The following ZFYVE26 variants were observed in gnomAD, a reference collection of about 807,000 sequenced individuals.
The protein encoded by ZFYVE26 is zinc finger FYVE-type containing 26.
Under a neutral mutation model 276.5 loss-of-function variants are expected in ZFYVE26, and 181 were observed. The ratio of observed to expected loss-of-function variants is 0.65; its 90% CI spans 0.58 to 0.74. The LOEUF (loss-of-function observed/expected upper bound fraction) is 0.74. ZFYVE26 is among the 30% of genes least tolerant of loss of function. The probability of loss-of-function intolerance (pLI) is 0.00; values close to 1 mark genes in which losing one functional copy is unlikely to be tolerated. For missense variants in ZFYVE26, 2,821 were observed against 3,097.9 expected (o/e 0.91, Z 2.12); for synonymous variants, 1,129 against 1,203.1 (o/e 0.94, Z 1.27).
At chr14:67,756,713 C>T (rs2038788538) in intron 35 of ZFYVE26, among the ~76,000 whole-genome samples, 1 of 152,150 alleles carries the variant, frequency 6.6e-6, no homozygotes, top group South Asian at 2.1e-4. Context: ...TCGGAGGAAC[C>T]TACACTCTTT....
intron 41 of ZFYVE26, among the ~76,000 whole-genome samples, chr14:67,750,089 C>T (rs947361327): frequency 1.3e-5 from 2 of 152,198 alleles, no homozygotes; most frequent in Admixed American, 6.5e-5. Flanking sequence ...TGAGAAAGAA[C>T]TGCAGTCTGG....
chr14:67,783,775 G>C (rs1244007704), intron 20 of ZFYVE26, among the ~76,000 whole-genome samples: 2 of 152,100 alleles, frequency 1.3e-5, no homozygotes, highest in African/African-American at 4.8e-5. Context: ...CAGTTACATA[G>C]TATTCCATTA....
At chr14:67,797,849 G>C (rs973262002) in intron 11 of ZFYVE26, 94 bp from the exon 12 acceptor site, 3 of 1,576,370 alleles carry the variant, frequency 1.9e-6, no homozygotes, top group Non-Finnish European at 1.7e-6. Context: ...TTTGCACTGG[G>C]CTCTGAGACA....
chr14:67,790,483 A>C (rs1211792095), intron 15 of ZFYVE26, 89 bp downstream of exon 15: 9 of 1,401,548 alleles, frequency 6.4e-6, no homozygotes, highest in Non-Finnish European at 8.0e-6. Flanking sequence ...GCTCACCCTC[A>C]TGAGGAGCCT....
chr14:67,731,214 T>C (rs1351604796), intron 13 of ZFYVE26, among the ~76,000 whole-genome samples: 4 of 140,096 alleles, frequency 2.9e-5, no homozygotes, highest in African/African-American at 5.3e-5. Context: ...TTTCTTTTTT[T>C]TTTTTTTTTT....
chr14:67,761,668 T>A, intron 34 of ZFYVE26, 84 bp from the exon 35 acceptor site: 3 of 1,234,244 alleles, frequency 2.4e-6, no homozygotes, highest in Non-Finnish European at 3.5e-6. Flanking sequence ...AAAGAATATT[T>A]AACAATGTGC....
At chr14:67,733,141 A>C (rs7156196) in intron 13 of ZFYVE26, among the ~76,000 whole-genome samples, 63 of 146,386 alleles carry the variant, frequency 4.3e-4, no homozygotes, top group Admixed American at 1.8e-3. Context: ...ATTAAAAAAA[A>C]CAAAAAAAAA....
In ZFYVE26 at chr14:67,756,016, C is replaced by G; in HGVS notation, c.6718G>C (p.Ala2240Pro). ...TTCTTCTGTAAATGTTGGCAGGCAGCAATCAAGTACTTTCCCCAGCTCTCC... is the reference window on the plus strand; with the variant it reads ...TTCTTCTGTAAATGTTGGCAGGCAGGAATCAAGTACTTTCCCCAGCTCTCC... ...TLESWGKYLI[A>P]ACQHLQKKNY... Residue 2240 changes from alanine (A) to proline (P), a missense_variant, in exon 36 of 42, where the codon GCT (alanine) becomes CCT (proline). Physicochemically the swap from Ala to Pro is conservative, Grantham distance 27 (BLOSUM62 -1). Coordinates refer to ENST00000347230, the MANE Select transcript of ZFYVE26 (RefSeq NM_015346.4). 1 of 1,614,258 alleles carries G rather than the reference C, an allele frequency of 6.2e-7. No homozygotes were observed. The highest frequency in any genetic ancestry group is 8.5e-7 in the Non-Finnish European group (1 of 1,180,046).
chr14:67,802,426 G>T, intron 9 of ZFYVE26, 144 bp from the exon 10 acceptor site: 1 of 818,172 alleles, frequency 1.2e-6, no homozygotes, highest in Non-Finnish European at 2.0e-6. Flanking sequence ...TCTGATCTGT[G>T]TCACTTCTAG....
intron 9 of ZFYVE26, among the ~76,000 whole-genome samples, chr14:67,803,726 C>CT (rs1324830043): frequency 6.6e-6 from 1 of 152,160 alleles, no homozygotes; most frequent in African/African-American, 2.4e-5. Flanking sequence ...AACATGCTAT[C>CT]AGAAAGCTTA....
chr14:67,802,231 G>A lies in ZFYVE26; in HGVS notation c.1487C>T (p.Thr496Ile), dbSNP rs1489494913. 1.1e-5 allele frequency: 17 copies of A among 1,614,108 alleles called. No homozygotes were observed. In the Admixed American group the frequency reaches 2.8e-4, roughly 27 times the overall value. ...CATGGCACAGAAGCCCTGGTAGAGT[G>A]TCAGGTTCTGACACTGGCTCAGGTG... ...PEHLSQCQNL[T>I]LYQGFCAMKY... Residue 496 changes from threonine (T) to isoleucine (I), a missense_variant, in exon 10 of 42, where the codon ACA (threonine) becomes ATA (isoleucine). Coordinates refer to ENST00000347230, the MANE Select transcript of ZFYVE26 (RefSeq NM_015346.4).
Position 67,802,212 on chromosome 14 carries a change from A to G in ZFYVE26, c.1506T>C (p.Cys502=). Residue 502 remains cysteine, a synonymous_variant, in exon 10 of 42, where the codon TGT becomes TGC. Transcript: ENST00000347230. The part of the protein sequence containing the change: ...CQNLTLYQGF[C]AMKYAIYALC... ...GGGCATAGATGGCATACTTCATGGC[A>G]CAGAAGCCCTGGTAGAGTGTCAGGT... 1 of 1,614,210 alleles carries G rather than the reference A, an allele frequency of 6.2e-7. No homozygotes were observed. The highest frequency in any genetic ancestry group is 8.5e-7 in the Non-Finnish European group (1 of 1,180,032).
rs766483153 is a variant in ZFYVE26, at chr14:67,785,084, G to A, written c.3498C>T (p.Leu1166=). Residue 1166 remains leucine, a synonymous_variant, in exon 19 of 42, where the codon CTC becomes CTT. Transcript: ENST00000347230. ...CAGGCTCAGAGCTCAAACTTTGAAGGAGAACTGCAGCAAGGGTGCTGCAGT... is the reference window on the plus strand; with the variant it reads ...CAGGCTCAGAGCTCAAACTTTGAAGAAGAACTGCAGCAAGGGTGCTGCAGT... ...FSYCSTLAAV[L]LQSLSSEPDH... The A allele has an allele frequency of 5.0e-6, 8 of 1,614,202 alleles. No homozygotes were observed. In the Admixed American group the frequency reaches 1.3e-4, roughly 27 times the overall value.
At position 67,729,394 on chromosome 14, in the gene ZFYVE26, A is replaced by G. The variant is rs535122314; in HGVS notation, n.3105T>C. On this transcript the variant is annotated non_coding_transcript_exon_variant, in exon 14 of 15. Coordinates refer to the ZFYVE26 transcript ENST00000394455. The stretch of plus-strand genomic sequence containing the variant: ...CAAGTACTTCAGGTGTGTGAAGGCA[A>G]TGCGGTTCTCTCCACCACCTGTGTG... 32 of 1,596,558 alleles carry G rather than the reference A, an allele frequency of 2.0e-5. No individual in the cohort carries two copies. The highest frequency in any genetic ancestry group is 2.5e-5 in the Non-Finnish European group (29 of 1,179,168).
chr14:67,798,703 T>C (rs1225944854), intron 10 of ZFYVE26, 81 bp from the exon 11 acceptor site: 1 of 1,568,396 alleles, frequency 6.4e-7, no homozygotes, highest in East Asian at 2.3e-5. Flanking sequence ...CCTCCCAGCG[T>C]CAAACATTCT....
At chr14:67,741,938 C>T (rs984534862), downstream of ZFYVE26, among the ~76,000 whole-genome samples, 3 of 152,240 alleles carry the variant, frequency 2.0e-5, no homozygotes, top group African/African-American at 7.2e-5. Context: ...ACCTCCTACT[C>T]CTCCAACTTT....
intron 27 of ZFYVE26, among the ~76,000 whole-genome samples, chr14:67,773,907 G>C (rs557049614): frequency 6.6e-6 from 1 of 152,150 alleles, no homozygotes; most frequent in Non-Finnish European, 1.5e-5. Context: ...TCTTTCGAGA[G>C]TAGGCCATTG....
In ZFYVE26 at chr14:67,746,947, C is replaced by T. The variant is rs963408059; in HGVS notation, c.*1489G>A. 8 of 152,626 alleles carry T rather than the reference C, an allele frequency of 5.2e-5. No homozygotes were observed. The highest frequency in any genetic ancestry group is 1.4e-4 in the African/African-American group (6 of 41,454). 9.5% of individuals were successfully genotyped at this position (152,626 alleles called of 1,614,324 possible). On this transcript the variant is annotated 3_prime_UTR_variant, in exon 42 of 42. Coordinates refer to ENST00000347230, the MANE Select transcript of ZFYVE26 (RefSeq NM_015346.4). ...TTTCTCCTCTCTAACAGGACCAAAA[C>T]TTCTCATCTGACAGATGTCCATGAG...
At chr14:67,795,913 G>T (rs778228030) in intron 12 of ZFYVE26, among the ~76,000 whole-genome samples, 1 of 152,144 alleles carries the variant, frequency 6.6e-6, no homozygotes, top group Non-Finnish European at 1.5e-5. Flanking sequence ...CAATAAATAT[G>T]TGAAAAGATA....
Sources: allele counts gnomAD v4.1 joint callset (sites outside exome capture counted in the v4.1 genomes callset), GRCh38; gene constraint gnomAD v4.1.1; transcripts MANE v1.5; gene names NCBI Gene and HGNC (gene_info 2026-07-23, HGNC 2026-07-21).